Variants in NAA11 observed in about 807,000 individuals in gnomAD.
The protein encoded by NAA11 is N-alpha-acetyltransferase 11, NatA catalytic subunit.
Under a neutral mutation model 16.1 loss-of-function variants are expected in NAA11, and 15 were observed. The observed-to-expected ratio is 0.93, with a 90% confidence interval of 0.62 to 1.44. The LOEUF is 1.44. Ranked by LOEUF, NAA11 falls within the 40% of genes most tolerant of loss-of-function variation. NAA11 has a pLI of 0.00. For missense variants in NAA11, 298 were observed against 291.3 expected (o/e 1.02, Z -0.17); for synonymous variants, 122 against 112.4 (o/e 1.09, Z -0.54).
chr4:79,320,055 T>G (rs1724047525), intron 1 of NAA11, among the ~76,000 whole-genome samples: 1 of 152,218 alleles, frequency 6.6e-6, no homozygotes, highest in African/African-American at 2.4e-5. Context: ...TTGCATTTTT[T>G]TCATTTTTGT....
intron 2 of NAA11, among the ~76,000 whole-genome samples, chr4:79,245,827 C>T (rs1285584665): frequency 6.6e-6 from 1 of 151,100 alleles, no homozygotes; most frequent in Non-Finnish European, 1.5e-5. Flanking sequence ...CCGGCCGCCA[C>T]GTCTGGGAAG....
At chr4:79,162,239 T>G in the NAA11 span, among the ~76,000 whole-genome samples, 18 of 152,192 alleles carry the variant, frequency 1.2e-4, no homozygotes, top group African/African-American at 4.1e-4. Flanking sequence ...TTCCCATGTA[T>G]TTCCAAAAGC....
At chr4:79,316,505 TA>T (rs1186794287), downstream of NAA11, 1 of 152,194 alleles carries the variant, frequency 6.6e-6, no homozygotes, top group African/African-American at 2.4e-5. Flanking sequence ...AGAAAAGACT[TA>T]CCTCTTGTCA....
At chr4:79,259,399 A>G (rs1294392469) in intron 2 of NAA11, among the ~76,000 whole-genome samples, 1 of 152,176 alleles carries the variant, frequency 6.6e-6, no homozygotes, top group Non-Finnish European at 1.5e-5. Flanking sequence ...GAGAGCTGGC[A>G]CCCATGCTGG....
the NAA11 span, among the ~76,000 whole-genome samples, chr4:79,214,497 A>G: frequency 6.6e-6 from 1 of 152,090 alleles, no homozygotes; most frequent in Non-Finnish European, 1.5e-5. Flanking sequence ...GAGTGGGTTT[A>G]TTATAAAAGG....
At chr4:79,163,430 AAAAT>A in the NAA11 span, among the ~76,000 whole-genome samples, 1 of 152,172 alleles carries the variant, frequency 6.6e-6, no homozygotes, top group Non-Finnish European at 1.5e-5. Context: ...AAAAAATAAA[AAAAT>A]AAATAAAGCA....
chr4:79,310,844 G>A (rs1723750897), intron 1 of NAA11, among the ~76,000 whole-genome samples: 1 of 152,200 alleles, frequency 6.6e-6, no homozygotes, highest in Non-Finnish European at 1.5e-5. Context: ...ATGGGAAGAA[G>A]TAGCAGAAAG....
downstream of NAA11, among the ~76,000 whole-genome samples, chr4:79,222,052 C>T (rs1201260511): frequency 6.7e-6 from 1 of 149,884 alleles, no homozygotes; most frequent in Non-Finnish European, 1.5e-5. Flanking sequence ...ACAATTTCAG[C>T]TCCTGTTATT....
intron 2 of NAA11, among the ~76,000 whole-genome samples, chr4:79,260,991 A>AT (rs1391854324): frequency 6.6e-6 from 1 of 152,218 alleles, no homozygotes; most frequent in Admixed American, 6.5e-5. Context: ...GCTATATGTC[A>AT]TTTTTTAGAA....
downstream of NAA11, among the ~76,000 whole-genome samples, chr4:79,312,659 A>AG (rs1309729101): frequency 1.3e-5 from 2 of 150,922 alleles, no homozygotes; most frequent in Admixed American, 1.3e-4. Context: ...AAAAAAAAAA[A>AG]AAAAAAAAAA....
At chr4:79,295,464 C>T (rs1723193503) in intron 1 of NAA11, among the ~76,000 whole-genome samples, 1 of 152,096 alleles carries the variant, frequency 6.6e-6, no homozygotes, top group South Asian at 2.1e-4. Context: ...GACAACAAAA[C>T]TAAAATAAAT....
At chr4:79,174,283 A>G in the NAA11 span, among the ~76,000 whole-genome samples, 17 of 152,172 alleles carry the variant, frequency 1.1e-4, no homozygotes, top group South Asian at 2.1e-4. Context: ...TTGAAACTAT[A>G]TATTAATATT....
intron 2 of NAA11, among the ~76,000 whole-genome samples, chr4:79,261,008 C>A (rs533745770): frequency 5.9e-5 from 9 of 152,152 alleles, no homozygotes; most frequent in Non-Finnish European, 5.9e-5. Flanking sequence ...AGAACTATAT[C>A]AGTAGGCCTT....
intron 2 of NAA11, among the ~76,000 whole-genome samples, chr4:79,261,203 C>G (rs1249126929): frequency 6.6e-6 from 1 of 152,142 alleles, no homozygotes; most frequent in Non-Finnish European, 1.5e-5. Flanking sequence ...ATGCAGTCCC[C>G]CTTCTTGATG....
At chr4:79,318,509 C>G (rs1434636506) in intron 1 of NAA11, among the ~76,000 whole-genome samples, 3 of 152,064 alleles carry the variant, frequency 2.0e-5, no homozygotes, top group Non-Finnish European at 4.4e-5. Context: ...CATATGCACA[C>G]AGAAGTAAAT....
the NAA11 span, among the ~76,000 whole-genome samples, chr4:79,215,725 A>C: frequency 6.6e-6 from 1 of 152,214 alleles, no homozygotes; most frequent in Non-Finnish European, 1.5e-5. Context: ...CAAAATGCTC[A>C]TGTAGCTAGC....
At chr4:79,236,633 G>A (rs1721576446) in intron 2 of NAA11, among the ~76,000 whole-genome samples, 1 of 152,074 alleles carries the variant, frequency 6.6e-6, no homozygotes, top group Non-Finnish European at 1.5e-5. Context: ...TATCATTGCT[G>A]ATACATTTTT....
At chr4:79,228,919 C>A (rs1252717231) in intron 2 of NAA11, among the ~76,000 whole-genome samples, 2 of 151,962 alleles carry the variant, frequency 1.3e-5, no homozygotes, top group Non-Finnish European at 2.9e-5. Context: ...TTCTATTTTT[C>A]AGTCTCACAG....
intron 2 of NAA11, among the ~76,000 whole-genome samples, chr4:79,268,865 C>G (rs1722412965): frequency 8.7e-6 from 1 of 114,448 alleles, no homozygotes; most frequent in Non-Finnish European, 1.7e-5. Context: ...CCCCACCCCA[C>G]CACAGTCCCC....
Sources: allele counts gnomAD v4.1 joint callset (sites outside exome capture counted in the v4.1 genomes callset), GRCh38; gene constraint gnomAD v4.1.1; transcripts MANE v1.5; gene names NCBI Gene and HGNC (gene_info 2026-07-23, HGNC 2026-07-21).